GNA14: variants seen among roughly 807,000 people sequenced by gnomAD.
GNA14 encodes the protein guanine nucleotide-binding protein subunit alpha-14.
A neutral mutation model predicts 42.0 loss-of-function variants in GNA14; 50 were observed. The observed-to-expected ratio is 1.19, with a 90% CI of 0.95 to 1.51. The LOEUF is 1.51. Ranked by LOEUF, GNA14 falls within the 40% of genes most tolerant of loss-of-function variation. The probability of loss-of-function intolerance (pLI) is 0.00; values close to 1 mark genes in which losing one functional copy is unlikely to be tolerated. For synonymous variants in GNA14, 173 were observed against 163.1 expected, an observed-to-expected ratio of 1.06 and a Z score of -0.46; for missense variants, 473 against 446.2, an observed-to-expected ratio of 1.06 and a Z score of -0.54.
intron 3 of GNA14, 42 bp downstream of exon 3, chr9:77,434,326 C>T (rs1384874814): frequency 1.1e-5 from 18 of 1,576,700 alleles, no homozygotes; most frequent in Middle Eastern, 4.2e-4. Context: ...GCCGAGCTTG[C>T]CTGAAAGCAC....
intron 2 of GNA14, among the ~76,000 whole-genome samples, chr9:77,479,338 T>G (rs1055378463): frequency 6.6e-6 from 1 of 152,212 alleles, no homozygotes; most frequent in Non-Finnish European, 1.5e-5. Flanking sequence ...GTTGTAGATA[T>G]GCGGCATTAT....
Position 77,499,915 on chromosome 9 carries a change from C to A in GNA14, c.309+29154G>T, listed in dbSNP as rs185051182. Among the ~76,000 whole-genome samples, 38 of 152,086 alleles carry A rather than the reference C, an allele frequency of 2.5e-4. No individual in the cohort carries two copies. The East Asian group carries it at 6.9e-3, about 28-fold the overall frequency. ...AAAATGAATACCCTGAAATATGATTCTTTCTGAGGACTATATAGCATTTAA... is the reference window on the plus strand; with the variant it reads ...AAAATGAATACCCTGAAATATGATTATTTCTGAGGACTATATAGCATTTAA... On this transcript the variant is annotated intron_variant, in intron 2 of 6. Coordinates refer to ENST00000341700, the MANE Select transcript of GNA14 (RefSeq NM_004297.4).
intron 1 of GNA14, among the ~76,000 whole-genome samples, chr9:77,574,378 A>G (rs1377157313): frequency 6.6e-6 from 1 of 152,220 alleles, no homozygotes; most frequent in East Asian, 1.9e-4. Flanking sequence ...TTCAAATGCA[A>G]TCAAGATTTG....
At chr9:77,577,217 G>A (rs929376139) in intron 1 of GNA14, among the ~76,000 whole-genome samples, 2 of 152,152 alleles carry the variant, frequency 1.3e-5, no homozygotes, top group Admixed American at 6.5e-5. Context: ...TTACAACCAA[G>A]CTAAATGAGC....
intron 1 of GNA14, among the ~76,000 whole-genome samples, chr9:77,547,571 T>C (rs1837735089): frequency 6.6e-6 from 1 of 152,246 alleles, no homozygotes; most frequent in Admixed American, 6.5e-5. Flanking sequence ...CTGTGGTTTT[T>C]TCATTAAAAT....
intron 2 of GNA14, among the ~76,000 whole-genome samples, chr9:77,485,887 T>C (rs1221196569): frequency 1.3e-5 from 2 of 152,200 alleles, no homozygotes; most frequent in East Asian, 3.9e-4. Flanking sequence ...GGCTTTGTTG[T>C]TCCATTTATA....
intron 1 of GNA14, among the ~76,000 whole-genome samples, chr9:77,635,798 A>G (rs1824176049): frequency 6.6e-6 from 1 of 152,188 alleles, no homozygotes; most frequent in African/African-American, 2.4e-5. Flanking sequence ...CCTTCTGCCA[A>G]TTAGCTACTA....
At chr9:77,446,546 T>C (rs1434453465) in intron 2 of GNA14, among the ~76,000 whole-genome samples, 1 of 152,174 alleles carries the variant, frequency 6.6e-6, no homozygotes, top group Non-Finnish European at 1.5e-5. Flanking sequence ...ATGCATGCCA[T>C]GACTGGGCCT....
At chr9:77,615,584 CT>C in intron 1 of GNA14, among the ~76,000 whole-genome samples, 1 of 152,140 alleles carries the variant, frequency 6.6e-6, no homozygotes, top group East Asian at 1.9e-4. Flanking sequence ...AGGGTCCAAA[CT>C]CACACTCCTC....
chr9:77,577,519 A>C (rs976145525), intron 1 of GNA14, among the ~76,000 whole-genome samples: 5 of 152,198 alleles, frequency 3.3e-5, no homozygotes, highest in Admixed American at 6.5e-5. Context: ...ATCATCCTAC[A>C]AGGGTGGGGC....
intron 2 of GNA14, among the ~76,000 whole-genome samples, chr9:77,458,910 G>GGGT (rs60175298): frequency 3.5e-5 from 4 of 115,938 alleles, no homozygotes; most frequent in African/African-American, 1.1e-4. Flanking sequence ...CTGGAGGGGG[G>GGGT]GGGGTTGTCC....
intron 2 of GNA14, among the ~76,000 whole-genome samples, chr9:77,488,727 G>A (rs2131734071): frequency 7.1e-6 from 1 of 141,554 alleles, no homozygotes. Context: ...GTTTTAGTGT[G>A]AGGAAAAATA....
chr9:77,464,316 A>T (rs1836173259), intron 2 of GNA14, among the ~76,000 whole-genome samples: 1 of 147,728 alleles, frequency 6.8e-6, no homozygotes. Flanking sequence ...TGTATGTGAG[A>T]GTGTGTGTAT....
At chr9:77,544,400 C>T (rs1837694787) in intron 1 of GNA14, among the ~76,000 whole-genome samples, 1 of 152,100 alleles carries the variant, frequency 6.6e-6, no homozygotes, top group East Asian at 1.9e-4. Context: ...CAACTCATTT[C>T]ATTTGTAAGA....
At chr9:77,458,696 G>A (rs1387731159) in intron 2 of GNA14, among the ~76,000 whole-genome samples, 1 of 152,102 alleles carries the variant, frequency 6.6e-6, no homozygotes, top group Non-Finnish European at 1.5e-5. Context: ...AAAGAAATCT[G>A]TGCACTTTTG....
intron 1 of GNA14, among the ~76,000 whole-genome samples, chr9:77,608,899 T>C (rs1823685247): frequency 6.6e-6 from 1 of 152,076 alleles, no homozygotes; most frequent in Non-Finnish European, 1.5e-5. Flanking sequence ...CCATCCCCAT[T>C]CCCGGCTTCT....
chr9:77,564,551 G>A (rs1280656481), intron 1 of GNA14, among the ~76,000 whole-genome samples: 2 of 152,138 alleles, frequency 1.3e-5, no homozygotes, highest in Non-Finnish European at 2.9e-5. Context: ...TATTATGGCT[G>A]GGCATGGTGG....
At chr9:77,613,688 G>A (rs111618608) in intron 1 of GNA14, among the ~76,000 whole-genome samples, 2,880 of 152,216 alleles carry the variant, frequency 0.019, 61 homozygotes, top group African/African-American at 0.057. Context: ...CTTTCTATGC[G>A]TCAATCATAC....
At chr9:77,601,073 G>A (rs1372576013) in intron 1 of GNA14, among the ~76,000 whole-genome samples, 1 of 152,270 alleles carries the variant, frequency 6.6e-6, no homozygotes, top group Non-Finnish European at 1.5e-5. Context: ...TGTGCAGGGG[G>A]AGGAGCGTGG....
Sources: gnomAD v4.1 joint callset for allele counts (sites outside exome capture counted in the v4.1 genomes callset) on GRCh38, gnomAD v4.1.1 for gene constraint, MANE v1.5 for transcripts, NCBI Gene and HGNC (gene_info 2026-07-23, HGNC 2026-07-21) for gene names.